KIAA1549: variants seen among roughly 807,000 people sequenced by gnomAD.
KIAA1549 encodes UPF0606 protein KIAA1549.
In KIAA1549, 70 loss-of-function variants were observed where a neutral mutation model predicts 156.4. That is an observed-to-expected ratio of 0.45 (90% CI 0.37 to 0.55). The LOEUF (loss-of-function observed/expected upper bound fraction) is 0.55, where lower values mean the gene tolerates loss of function less well. Ranked by LOEUF, KIAA1549 falls within the 20% of genes least tolerant of loss-of-function variation. KIAA1549 has a pLI of 0.00. For synonymous variants in KIAA1549, 1,103 were observed against 1,066.4 expected, an observed-to-expected ratio of 1.03 and a Z score of -0.67; for missense variants, 2,428 against 2,540.9, an observed-to-expected ratio of 0.96 and a Z score of 0.96.
intron 3 of KIAA1549, among the ~76,000 whole-genome samples, chr7:138,911,644 T>C (rs1812172594): frequency 6.6e-6 from 1 of 152,194 alleles, no homozygotes; most frequent in Non-Finnish European, 1.5e-5. Context: ...CCAAAATAAA[T>C]ATGCAATTTA....
At chr7:138,968,815 G>A (rs928742071) in intron 1 of KIAA1549, among the ~76,000 whole-genome samples, 6 of 144,644 alleles carry the variant, frequency 4.1e-5, no homozygotes, top group South Asian at 2.2e-4. Context: ...AGCCAAGATC[G>A]CGCCACTGCA....
rs1345961140 is a variant in KIAA1549, at chr7:138,916,819, G to A, written c.2807C>T (p.Pro936Leu). The change falls in exon 2 of 20, where the codon CCA (proline) becomes CTA (leucine). Residue 936 changes from proline to leucine, a missense_variant. This residue lies in a region of KIAA1549 where 762 missense variants were observed against 901.6 expected (regional missense o/e 0.85). Transcript: ENST00000422774. ...AFTLEATVDT[P>L]TLATAKPPYV... ...TGGCGGCTTGGCAGTAGCCAGTGTT[G>A]GTGTGTCGACTGTTGCTTCGAGAGT... The A allele has an allele frequency of 1.2e-6, 2 of 1,613,964 alleles. No homozygotes were observed. Among genetic ancestry groups the A allele is most frequent in the Non-Finnish European group, 1.7e-6 (2 of 1,179,872 alleles).
In KIAA1549 at chr7:138,837,918, G is replaced by C. The variant is rs773933178; in HGVS notation, c.5841C>G (p.Asn1947Lys). 1.2e-6 allele frequency: 2 copies of C among 1,613,778 alleles called. No individual in the cohort carries two copies. Among genetic ancestry groups the C allele is most frequent in the Admixed American group, 1.7e-5 (1 of 60,018 alleles). ...RLSQKQSTVQ[N>K]FHS ...GAGGCGAGGCCGATCAGCTGTGGAA[G>C]TTCTGCACGGTGCTCTGTTTCTGGG... Residue 1947 changes from asparagine to lysine, a missense_variant, in exon 20 of 20, where the codon AAC becomes AAG. By Grantham distance (94) the Asn-to-Lys change is moderately conservative. This residue lies in a region of KIAA1549 where 363 missense variants were observed against 354.0 expected (regional missense o/e 1.03). Coordinates refer to ENST00000422774, the MANE Select transcript of KIAA1549 (RefSeq NM_001164665.2).
chr7:138,910,209 C>A (rs982668813), intron 4 of KIAA1549, among the ~76,000 whole-genome samples: 1 of 151,904 alleles, frequency 6.6e-6, no homozygotes, highest in African/African-American at 2.4e-5. Flanking sequence ...TTTGTACATG[C>A]TTGAAATTTC....
chr7:138,955,840 T>C (rs1027210871), intron 1 of KIAA1549, among the ~76,000 whole-genome samples: 20 of 152,142 alleles, frequency 1.3e-4, no homozygotes, highest in African/African-American at 4.8e-4. Flanking sequence ...ACTTTTTTTA[T>C]CCCAACAGAG....
chr7:138,891,025 T>C (rs1185129357), intron 10 of KIAA1549, among the ~76,000 whole-genome samples: 1 of 152,136 alleles, frequency 6.6e-6, no homozygotes, highest in African/African-American at 2.4e-5. Context: ...TGTCACCTCC[T>C]TGAAGAAGGT....
At chr7:138,959,809 T>C (rs960943395) in intron 1 of KIAA1549, among the ~76,000 whole-genome samples, 1 of 152,224 alleles carries the variant, frequency 6.6e-6, no homozygotes, top group African/African-American at 2.4e-5. Flanking sequence ...TTTGTGAGGA[T>C]CAGAGAGCAA....
rs1809663765 is a variant in KIAA1549 at position 138,834,967 on chromosome 7, T to C, written c.*2939A>G. 1 of 220,350 alleles carries C rather than the reference T, an allele frequency of 4.5e-6. No homozygotes were observed. The highest frequency in any genetic ancestry group is 2.4e-5 in the African/African-American group (1 of 41,898). The allele number at this position is 220,350 out of a possible 1,614,324, so 13.6% of individuals were successfully genotyped here. A position where few individuals can be genotyped will look rare whatever the true frequency, so the allele number is the denominator to read the frequency against. ...ACATGGTCAGTGAGTGACAAAGTAG[T>C]CTCTGAAAAAAAAAAAAACAACATT... On this transcript the variant is annotated 3_prime_UTR_variant, in exon 20 of 20. Transcript: ENST00000422774.
chr7:138,899,654 T>C (rs1811786223), intron 8 of KIAA1549, among the ~76,000 whole-genome samples: 1 of 152,124 alleles, frequency 6.6e-6, no homozygotes, highest in African/African-American at 2.4e-5. Context: ...AGATGGTTAG[T>C]AGTATCCCTG....
chr7:138,897,561 T>C (rs1811716913), intron 9 of KIAA1549, among the ~76,000 whole-genome samples: 1 of 152,160 alleles, frequency 6.6e-6, no homozygotes, highest in Non-Finnish European at 1.5e-5. Flanking sequence ...AGTTTCACCA[T>C]TCTCTTACCA....
At chr7:138,956,082 C>T (rs570894) in intron 1 of KIAA1549, among the ~76,000 whole-genome samples, 64,986 of 152,058 alleles carry the variant, frequency 0.43, 17,274 homozygotes, top group African/African-American at 0.76. Context: ...TTAGTAGAGA[C>T]GGGTTTTCAC....
In KIAA1549 at chr7:138,894,385, T is replaced by C; in HGVS notation, c.3989A>G (p.Asp1330Gly). 4.3e-6 allele frequency: 7 copies of C among 1,613,972 alleles called. No individual in the cohort carries two copies. Among genetic ancestry groups the C allele is most frequent in the Non-Finnish European group, 5.9e-6 (7 of 1,179,878 alleles). Residue 1330 changes from aspartate (D) to glycine (G), a missense_variant, in exon 10 of 20, where the codon GAC (aspartate) becomes GGC (glycine). By Grantham distance (94) the Asp-to-Gly change is moderately conservative. Around this residue, in one of 5 missense-constraint regions of KIAA1549, gnomAD observed 762 missense variants for 901.6 expected, o/e 0.85. Coordinates refer to ENST00000422774, the MANE Select transcript of KIAA1549 (RefSeq NM_001164665.2). ...YWKLCRTDKL[D>G]FQPDTVANIQ... ...GTTGGCCACAGTGTCAGGCTGAAAG[T>C]CTAGCTTGTCTGTGCGGCATAGTTT...
chr7:138,883,103 A>AAAAC (rs1811291123), intron 10 of KIAA1549, among the ~76,000 whole-genome samples: 1 of 144,900 alleles, frequency 6.9e-6, no homozygotes, highest in Non-Finnish European at 1.5e-5. Context: ...AAAAAAAAAA[A>AAAAC]AAAAAAAAAA....
chr7:138,967,318 G>A (rs761688816), intron 1 of KIAA1549, among the ~76,000 whole-genome samples: 11 of 152,094 alleles, frequency 7.2e-5, no homozygotes, highest in Non-Finnish European at 1.3e-4. Context: ...TTACGGAGGC[G>A]GTTGCTAATT....
At chr7:138,871,992 AT>A (rs1225274529) in intron 12 of KIAA1549, among the ~76,000 whole-genome samples, 1 of 152,076 alleles carries the variant, frequency 6.6e-6, no homozygotes, top group African/African-American at 2.4e-5. Context: ...TTTTTAATTT[AT>A]TTTTTATTTT....
At chr7:138,974,703 G>T (rs572001741) in intron 1 of KIAA1549, among the ~76,000 whole-genome samples, 1 of 151,640 alleles carries the variant, frequency 6.6e-6, no homozygotes, top group Non-Finnish European at 1.5e-5. Context: ...GATTATAAGC[G>T]TGAGCCACCA....
chr7:138,923,432 C>T lies in KIAA1549; in HGVS notation c.188-3994G>A, dbSNP rs373074752. 3.9e-5 allele frequency among the ~76,000 whole-genome samples: 6 copies of T among 152,210 alleles called. No homozygotes were observed. The East Asian group carries it at 5.8e-4, about 15-fold the overall frequency. On this transcript the variant is annotated intron_variant, in intron 1 of 19. Transcript: ENST00000422774. ...CCTGGCCAACACGGTGAAACCCTGT[C>T]TCTACTAAAAATAAAAAATTTGCTG...
chr7:138,859,970 T>C (rs558199511), intron 16 of KIAA1549, among the ~76,000 whole-genome samples: 6 of 152,348 alleles, frequency 3.9e-5, no homozygotes, highest in African/African-American at 1.4e-4. Flanking sequence ...CATCCTGTAC[T>C]GTGCACTACT....
Position 138,835,200 on chromosome 7 carries a change from T to C in KIAA1549, c.*2706A>G. 4.6e-6 allele frequency: 1 copy of C among 217,348 alleles called. No individual in the cohort carries two copies. The allele number at this position is 217,348 out of a possible 1,614,324, so 13.5% of individuals were successfully genotyped here. On this transcript the variant is annotated 3_prime_UTR_variant, in exon 20 of 20. Coordinates refer to ENST00000422774, the MANE Select transcript of KIAA1549 (RefSeq NM_001164665.2). ...GAAGACCGCTAGGGTACGGTGCTGCTCACACAGCTAGTTTTTTCTGAGTTT... is the reference window on the plus strand; with the variant it reads ...GAAGACCGCTAGGGTACGGTGCTGCCCACACAGCTAGTTTTTTCTGAGTTT...
Sources: allele counts gnomAD v4.1 joint callset (sites outside exome capture counted in the v4.1 genomes callset), GRCh38; gene constraint gnomAD v4.1.1; regional missense constraint gnomAD v4.1.1; transcripts MANE v1.5; gene names NCBI Gene and HGNC (gene_info 2026-07-23, HGNC 2026-07-21).